Variants in RNF220 observed in about 807,000 individuals in gnomAD.
The protein encoded by RNF220 is ring finger protein 220, also known as E3 ubiquitin-protein ligase RNF220.
A neutral mutation model predicts 67.1 loss-of-function variants in RNF220; 7 were observed. The observed-to-expected ratio is 0.10, with a 90% CI of 0.06 to 0.20. RNF220 has a LOEUF of 0.20. Among genes scored for constraint, RNF220 ranks in the 10% least tolerant of loss-of-function variants. The pLI, the probability that RNF220 is intolerant of heterozygous loss-of-function variation, is 1.00. For synonymous variants in RNF220, 270 were observed against 283.2 expected (o/e 0.95, Z 0.47); for missense variants, 565 against 740.3 (o/e 0.76, Z 2.75).
chr1:44,572,939 T>C, intron 2 of RNF220: 1 of 368,334 alleles, frequency 2.7e-6, no homozygotes, highest in East Asian at 9.1e-5. Context: ...CAGGTGGAAA[T>C]CACGTTGAAT....
chr1:44,471,192 G>A (rs372983056), intron 2 of RNF220, among the ~76,000 whole-genome samples: 4 of 152,176 alleles, frequency 2.6e-5, no homozygotes, highest in Non-Finnish European at 4.4e-5. Flanking sequence ...TTGGGAGTCC[G>A]AGGCTGGTGG....
At position 44,650,060 on chromosome 1, in the gene RNF220, C is replaced by T. The variant is rs1346406135; in HGVS notation, c.1629+103C>T. The T allele has an allele frequency of 5.7e-6, 7 of 1,218,516 alleles. No homozygotes were observed. The highest frequency in any genetic ancestry group is 8.2e-6 in the Non-Finnish European group (7 of 855,786). 75.5% of individuals were successfully genotyped at this position (1,218,516 alleles called of 1,614,324 possible). A position where few individuals can be genotyped will look rare whatever the true frequency, so the allele number is the denominator to read the frequency against. On this transcript the variant is annotated intron_variant, in intron 14 of 14. Coordinates refer to ENST00000361799, the MANE Select transcript of RNF220 (RefSeq NM_018150.4). This position sits in a 1 kb window ranked among gnomAD's most constrained non-coding sequence, Gnocchi z 4.3. ...CCTGGGGGAAGTGGGGAGCATGGCG[C>T]AAAGGAGAACAGAGCCAGGAGCCAG...
chr1:44,409,558 G>T (rs1280287905), intron 1 of RNF220, among the ~76,000 whole-genome samples: 1 of 152,128 alleles, frequency 6.6e-6, no homozygotes, highest in Non-Finnish European at 1.5e-5. Context: ...CCACTGCTCG[G>T]ATCAATAGCT....
intron 2 of RNF220, among the ~76,000 whole-genome samples, chr1:44,435,134 A>G (rs1650831134): frequency 6.6e-6 from 1 of 152,234 alleles, no homozygotes; most frequent in African/African-American, 2.4e-5. Context: ...AAATAAATTT[A>G]TAAAACGTGA....
intron 2 of RNF220, among the ~76,000 whole-genome samples, chr1:44,524,652 G>A (rs1369145048): frequency 2.6e-5 from 4 of 151,978 alleles, no homozygotes; most frequent in Non-Finnish European, 4.4e-5. Context: ...TTTATTACAC[G>A]CTTATCGCCT....
At position 44,644,738 on chromosome 1, in the gene RNF220, C is replaced by T; in HGVS notation, c.1167C>T (p.Asp389=). 1 of 1,614,132 alleles carries T rather than the reference C, an allele frequency of 6.2e-7. No individual in the cohort carries two copies. Among genetic ancestry groups the T allele is most frequent in the Non-Finnish European group, 8.5e-7 (1 of 1,180,010 alleles). The change falls in exon 9 of 15, where the codon GAC becomes GAT. Residue 389 remains aspartate (D), a synonymous_variant. Coordinates refer to ENST00000361799, the MANE Select transcript of RNF220 (RefSeq NM_018150.4). ...TGTGCAGCGGCAAAGAGAACCCGGA[C>T]AGTGATGCTGACTTGGATGTGGATG... The part of the protein sequence containing the change: ...FIMCSGKENP[D]SDADLDVDGD...
At chr1:44,439,112 A>G (rs1482002641) in intron 2 of RNF220, among the ~76,000 whole-genome samples, 1 of 152,214 alleles carries the variant, frequency 6.6e-6, no homozygotes, top group Non-Finnish European at 1.5e-5. Flanking sequence ...TTTTCTTAGG[A>G]TATATTCTCG....
At chr1:44,551,523 A>G (rs1357525411) in intron 2 of RNF220, among the ~76,000 whole-genome samples, 1 of 152,206 alleles carries the variant, frequency 6.6e-6, no homozygotes, top group Non-Finnish European at 1.5e-5. Context: ...GTCAAAAGGT[A>G]TAAACTTTTA....
At chr1:44,642,707 G>A (rs1421872539) in intron 8 of RNF220, among the ~76,000 whole-genome samples, 1 of 152,144 alleles carries the variant, frequency 6.6e-6, no homozygotes, top group Admixed American at 6.5e-5. Context: ...GCAGCTTTGG[G>A]GTACCCTGTT....
chr1:44,414,635 C>T (rs1557901718), intron 2 of RNF220, among the ~76,000 whole-genome samples: 1 of 152,110 alleles, frequency 6.6e-6, no homozygotes, highest in Non-Finnish European at 1.5e-5. Flanking sequence ...GGATCCCTCA[C>T]ACAGGAGTAC....
At chr1:44,555,662 A>G (rs1459812127) in intron 2 of RNF220, among the ~76,000 whole-genome samples, 1 of 149,784 alleles carries the variant, frequency 6.7e-6, no homozygotes, top group African/African-American at 2.5e-5. Flanking sequence ...TTTTTAGTAG[A>G]GACAGGGTTT....
chr1:44,409,075 CTTCGT>C (rs1315479733), intron 1 of RNF220, among the ~76,000 whole-genome samples: 1 of 152,252 alleles, frequency 6.6e-6, no homozygotes, highest in Non-Finnish European at 1.5e-5. Flanking sequence ...ACGCGGACGT[CTTCGT>C]TTCATTTGTC....
chr1:44,540,261 C>T (rs906409429), intron 2 of RNF220, among the ~76,000 whole-genome samples: 8 of 152,078 alleles, frequency 5.3e-5, no homozygotes, highest in South Asian at 4.1e-4. Context: ...GAGAACAGGA[C>T]GGCTGCTGCC....
At chr1:44,437,390 C>T (rs1651087519) in intron 2 of RNF220, among the ~76,000 whole-genome samples, 1 of 152,180 alleles carries the variant, frequency 6.6e-6, no homozygotes, top group Non-Finnish European at 1.5e-5. Context: ...AAAACTGTTC[C>T]AACCAGCAGC....
At chr1:44,566,910 A>G (rs1036447907) in intron 2 of RNF220, among the ~76,000 whole-genome samples, 5 of 152,234 alleles carry the variant, frequency 3.3e-5, no homozygotes, top group Non-Finnish European at 7.3e-5. Context: ...TGTGGTTTTC[A>G]GAGGGCAGAA....
chr1:44,451,486 G>C (rs192756227), intron 2 of RNF220, among the ~76,000 whole-genome samples: 63 of 152,048 alleles, frequency 4.1e-4, no homozygotes, highest in Admixed American at 1.4e-3. Context: ...TAGTTTGAAG[G>C]TTCTCTCCAT....
At chr1:44,648,666 C>G (rs1644711730) in intron 12 of RNF220, 1 of 152,214 alleles carries the variant, frequency 6.6e-6, no homozygotes, top group Admixed American at 6.5e-5. Flanking sequence ...ACAAGGAGCC[C>G]TGGAGGCAGG....
chr1:44,566,455 A>C (rs1367716811), intron 2 of RNF220, among the ~76,000 whole-genome samples: 1 of 152,204 alleles, frequency 6.6e-6, no homozygotes, highest in African/African-American at 2.4e-5. Context: ...AAGAGACCAG[A>C]AGACAGGCTC....
At chr1:44,632,290 C>A in intron 5 of RNF220, 53 bp from the exon 6 acceptor site, 1 of 1,613,906 alleles carries the variant, frequency 6.2e-7, no homozygotes, top group Non-Finnish European at 8.5e-7. Context: ...GACTGCAGGC[C>A]GCGCCTGACG....
Sources: gnomAD v4.1 joint callset for allele counts (sites outside exome capture counted in the v4.1 genomes callset) on GRCh38, gnomAD v4.1.1 for gene constraint, Gnocchi (gnomAD v3.1) non-coding constraint, MANE v1.5 for transcripts, NCBI Gene and HGNC (gene_info 2026-07-23, HGNC 2026-07-21) for gene names.